The following IGSF5 variants were observed in gnomAD, a reference collection of about 807,000 sequenced individuals.
IGSF5 encodes the protein immunoglobulin superfamily member 5.
Under a neutral mutation model 39.4 loss-of-function variants are expected in IGSF5, and 41 were observed. The observed-to-expected ratio is 1.04, with a 90% confidence interval of 0.81 to 1.35. The LOEUF (loss-of-function observed/expected upper bound fraction) is 1.35. IGSF5 is among the 40% of genes most tolerant of loss of function. The pLI is 0.00. For synonymous variants in IGSF5, 183 were observed against 175.3 expected (o/e 1.04, Z -0.34); for missense variants, 487 against 494.6 (o/e 0.98, Z 0.15).
chr21:39,791,200 C>T (rs544233865), intron 6 of IGSF5, among the ~76,000 whole-genome samples: 1 of 152,306 alleles, frequency 6.6e-6, no homozygotes, highest in East Asian at 1.9e-4. Flanking sequence ...TGAGAGCTCT[C>T]ATATGTAATA....
the IGSF5 span, among the ~76,000 whole-genome samples, chr21:39,725,431 A>G: frequency 1.3e-5 from 2 of 152,220 alleles, no homozygotes; most frequent in African/African-American, 2.4e-5. Flanking sequence ...AACATTATAG[A>G]CATCCCAGAG....
the IGSF5 span, among the ~76,000 whole-genome samples, chr21:39,711,790 C>T: frequency 6.6e-6 from 1 of 152,172 alleles, no homozygotes; most frequent in Non-Finnish European, 1.5e-5. Context: ...ACCTCAGTCT[C>T]CCAAAGTGCT....
chr21:39,801,432 C>T lies in IGSF5; in HGVS notation c.*75C>T, dbSNP rs2087028849. 2 of 1,075,418 alleles carry T rather than the reference C, an allele frequency of 1.9e-6. No individual in the cohort carries two copies. The highest frequency in any genetic ancestry group is 4.9e-5 in the East Asian group (2 of 41,022). 66.6% of individuals were successfully genotyped at this position (1,075,418 alleles called of 1,614,324 possible). A position where few individuals can be genotyped will look rare whatever the true frequency, so the allele number is the denominator to read the frequency against. ...CGGCGATGGCATCCTTCCTTTCCAT[C>T]CTAAGACTGGCCTGCAGCTTTGCCA... On this transcript the variant is annotated 3_prime_UTR_variant, in exon 9 of 9. Coordinates refer to ENST00000380588, the MANE Select transcript of IGSF5 (RefSeq NM_001080444.2).
At chr21:39,726,826 G>T in the IGSF5 span, among the ~76,000 whole-genome samples, 1 of 152,164 alleles carries the variant, frequency 6.6e-6, no homozygotes, top group African/African-American at 2.4e-5. Context: ...CATAACATCA[G>T]CCCAAACCAA....
At chr21:39,711,821 C>T in the IGSF5 span, among the ~76,000 whole-genome samples, 2 of 152,212 alleles carry the variant, frequency 1.3e-5, no homozygotes, top group East Asian at 1.9e-4. Context: ...GCGTGAGCCA[C>T]TGCACCCCAC....
intron 2 of IGSF5, among the ~76,000 whole-genome samples, chr21:39,756,760 C>G (rs551136822): frequency 6.6e-6 from 1 of 152,054 alleles, no homozygotes; most frequent in South Asian, 2.1e-4. Context: ...GAGGATACAT[C>G]AGTACTGGGG....
chr21:39,746,907 T>G (rs562654832), intron 2 of IGSF5, among the ~76,000 whole-genome samples: 3 of 152,266 alleles, frequency 2.0e-5, no homozygotes, highest in Non-Finnish European at 4.4e-5. Flanking sequence ...AAAAGCACCT[T>G]GGAGAAATTC....
At chr21:39,764,143 G>A (rs570144976) in intron 2 of IGSF5, among the ~76,000 whole-genome samples, 15 of 152,194 alleles carry the variant, frequency 9.9e-5, no homozygotes, top group African/African-American at 3.1e-4. Context: ...TGGCATCCTC[G>A]CCTCCTGGTC....
At chr21:39,743,544 T>C (rs77732980), upstream of IGSF5, among the ~76,000 whole-genome samples, 5,116 of 99,114 alleles carry the variant, frequency 0.052, no homozygotes, top group Non-Finnish European at 0.067. Context: ...ATATTGGCAC[T>C]CTTTGGTTCA....
chr21:39,769,305 A>G (rs761583135), intron 3 of IGSF5, among the ~76,000 whole-genome samples: 89 of 151,914 alleles, frequency 5.9e-4, no homozygotes, highest in Non-Finnish European at 9.6e-4. Flanking sequence ...GTGAAATTCC[A>G]TCTCTTAAAA....
chr21:39,718,533 C>T, the IGSF5 span, among the ~76,000 whole-genome samples: 5 of 152,050 alleles, frequency 3.3e-5, no homozygotes, highest in African/African-American at 1.2e-4. Flanking sequence ...TTCAATACCT[C>T]GTTTATTGAG....
chr21:39,743,865 G>T (rs1388894869), upstream of IGSF5, among the ~76,000 whole-genome samples: 1 of 152,166 alleles, frequency 6.6e-6, no homozygotes, highest in Admixed American at 6.5e-5. Flanking sequence ...CGGCCAGGCG[G>T]TACTGCAGAA....
At chr21:39,738,227 C>CA in the IGSF5 span, among the ~76,000 whole-genome samples, 499 of 152,198 alleles carry the variant, frequency 3.3e-3, 5 homozygotes, top group African/African-American at 0.011. The surrounding 1 kb of genome is among the most constrained non-coding windows in gnomAD (Gnocchi z 6.4). Context: ...TGACAGAAGG[C>CA]AAAGGCACCT....
rs2837200 is a variant in IGSF5, at chr21:39,771,013, G to A, written c.516G>A (p.Pro172=). 0.28 allele frequency: 450,326 copies of A among 1,612,810 alleles called. 70,675 individuals carry two copies. The highest frequency in any genetic ancestry group is 0.33 in the Non-Finnish European group (384,832 of 1,179,336). Residue 172 remains proline (P), a synonymous_variant, in exon 4 of 9, where the codon CCG becomes CCA. Transcript: ENST00000380588. ...TACCCTCACACTGGACCCGGCTCCC[G>A]GATATTTCCTGGGAGCTCGGTCTCC... ...TCLPSHWTRL[P]DISWELGLLV...
At chr21:39,796,068 C>G (rs555365297) in intron 8 of IGSF5, among the ~76,000 whole-genome samples, 1 of 152,248 alleles carries the variant, frequency 6.6e-6, no homozygotes, top group African/African-American at 2.4e-5. Flanking sequence ...ATTTGGAGAG[C>G]CTGGATGCAG....
intron 5 of IGSF5, among the ~76,000 whole-genome samples, chr21:39,782,077 G>C (rs2080173658): frequency 6.6e-6 from 1 of 152,084 alleles, no homozygotes; most frequent in South Asian, 2.1e-4. Context: ...CGGCAGCATT[G>C]ACTGAAATCT....
the IGSF5 span, among the ~76,000 whole-genome samples, chr21:39,728,448 T>G: frequency 6.6e-6 from 1 of 152,174 alleles, no homozygotes; most frequent in Non-Finnish European, 1.5e-5. Flanking sequence ...CCAGGAAGGA[T>G]TCCCTCCTAC....
the IGSF5 span, among the ~76,000 whole-genome samples, chr21:39,737,912 C>A: frequency 1.3e-5 from 2 of 152,004 alleles, no homozygotes; most frequent in Non-Finnish European, 2.9e-5. Context: ...GGCTAGAGTT[C>A]GGCTATGGGA....
chr21:39,778,408 C>G (rs1448199363), intron 4 of IGSF5, among the ~76,000 whole-genome samples: 4 of 152,204 alleles, frequency 2.6e-5, no homozygotes, highest in African/African-American at 9.7e-5. Context: ...CTACCTCCCT[C>G]TTGCTTCCTG....
Sources: gnomAD v4.1 joint callset for allele counts (sites outside exome capture counted in the v4.1 genomes callset) on GRCh38, gnomAD v4.1.1 for gene constraint, Gnocchi (gnomAD v3.1) non-coding constraint, MANE v1.5 for transcripts, NCBI Gene and HGNC (gene_info 2026-07-23, HGNC 2026-07-21) for gene names.